Variants in PADI3 observed in about 807,000 individuals in gnomAD.
PADI3 encodes peptidyl arginine deiminase 3.
PADI3 carries 53 observed loss-of-function variants against 71.5 expected under a neutral mutation model. The observed-to-expected ratio is 0.74, with a 90% CI of 0.59 to 0.93. The LOEUF is 0.93. Among genes scored for constraint, PADI3 ranks in the 40% least tolerant of loss-of-function variants. The pLI, the probability that PADI3 is intolerant of heterozygous loss-of-function variation, is 0.00. For synonymous variants in PADI3, 361 were observed against 347.5 expected (o/e 1.04, Z -0.43); for missense variants, 821 against 868.0 (o/e 0.95, Z 0.68).
At chr1:17,280,926 G>A in intron 15 of PADI3, 130 bp downstream of exon 15, 1 of 1,148,036 alleles carries the variant, frequency 8.7e-7, no homozygotes, top group Non-Finnish European at 1.2e-6. Flanking sequence ...GAGAATCAGG[G>A]GTCCTATGGT....
At position 17,259,573 on chromosome 1, in the gene PADI3, C is replaced by T. The variant is rs772210276; in HGVS notation, c.93-5C>T. The T allele has an allele frequency of 1.3e-6, 2 of 1,596,606 alleles. No homozygotes were observed. Among genetic ancestry groups the T allele is most frequent in the South Asian group, 2.2e-5 (2 of 89,044 alleles). ...GCACCGACCATGGCTCTCTGCCCTG[C>T]CCAGGTCAGTGCCTGAGGGCACAGA... On this transcript the variant is annotated splice_polypyrimidine_tract_variant and splice_region_variant and intron_variant, in intron 1 of 15. Transcript: ENST00000375460.
chr1:17,282,783 G>A, intron 15 of PADI3, 63 bp from the exon 16 acceptor site: 1 of 1,245,410 alleles, frequency 8.0e-7, no homozygotes, highest in Non-Finnish European at 1.1e-6. Context: ...AGGTCCTGCA[G>A]GTAGAGTAGA....
At position 17,270,971 on chromosome 1, in the gene PADI3, G is replaced by C. The variant is rs978614612; in HGVS notation, c.924G>C (p.Val308=). Residue 308 remains valine (V), a synonymous_variant, in exon 8 of 16, where the codon GTG becomes GTC. Coordinates refer to ENST00000375460, the MANE Select transcript of PADI3 (RefSeq NM_016233.2). ...MTPSTLPPLE[V]YVCRVRNNTC... The stretch of plus-strand genomic sequence containing the variant: ...CCAGCACTCTGCCACCCCTAGAGGT[G>C]TATGTGTGCCGGTGAGTCTTGGGGC... 2 of 1,614,062 alleles carry C rather than the reference G, an allele frequency of 1.2e-6. No individual in the cohort carries two copies. The highest frequency in any genetic ancestry group is 4.5e-5 in the East Asian group (2 of 44,874).
intron 5 of PADI3, 102 bp downstream of exon 5, chr1:17,266,938 G>T: frequency 1.1e-6 from 1 of 883,540 alleles, no homozygotes. Flanking sequence ...CAGAGTCCAG[G>T]GGAGAGCGCC....
rs1019314235 is a variant in PADI3 at position 17,283,142 on chromosome 1, A to T, written c.*63A>T. 1.8e-5 allele frequency: 23 copies of T among 1,290,298 alleles called. No homozygotes were observed. Among genetic ancestry groups the T allele is most frequent in the Non-Finnish European group, 2.6e-5 (23 of 896,474 alleles). 79.9% of individuals were successfully genotyped at this position (1,290,298 alleles called of 1,614,324 possible). On this transcript the variant is annotated 3_prime_UTR_variant, in exon 16 of 16. Coordinates refer to ENST00000375460, the MANE Select transcript of PADI3 (RefSeq NM_016233.2). Reference sequence around the variant, plus strand: ...GCATTGGCCCAGGTGGTGGAGACAGAGACAGGCCCCTGAACGATAAGCACC... The same window carrying T: ...GCATTGGCCCAGGTGGTGGAGACAGTGACAGGCCCCTGAACGATAAGCACC...
chr1:17,256,807 C>T (rs534369899), intron 1 of PADI3, among the ~76,000 whole-genome samples: 11 of 152,108 alleles, frequency 7.2e-5, no homozygotes, highest in African/African-American at 1.7e-4. Flanking sequence ...CTGAGGCAGG[C>T]GGATCACTTG....
intron 3 of PADI3, among the ~76,000 whole-genome samples, chr1:17,264,609 C>G (rs1269791456): frequency 6.6e-6 from 1 of 152,194 alleles, no homozygotes; most frequent in East Asian, 1.9e-4. Flanking sequence ...TCTGTGGATG[C>G]AGTCATATCA....
intron 8 of PADI3, 26 bp from the exon 9 acceptor site, chr1:17,271,041 C>A: frequency 6.2e-7 from 1 of 1,613,478 alleles, no homozygotes; most frequent in Non-Finnish European, 8.5e-7. Flanking sequence ...CCATCCTGAG[C>A]CCCTCTTCCC....
rs565662088 is a variant in PADI3 at position 17,256,774 on chromosome 1, C to T, written c.93-2804C>T. Among the ~76,000 whole-genome samples the T allele has an allele frequency of 4.6e-5, 7 of 152,266 alleles. No homozygotes were observed. The East Asian group carries it at 9.7e-4, about 21-fold the overall frequency. ...GGCTTCAGCCAGGCGCGGTGGCTCG[C>T]GCCTGTAATCCCAGCTGGGAGGCTG... On this transcript the variant is annotated intron_variant, in intron 1 of 15. Coordinates refer to ENST00000375460, the MANE Select transcript of PADI3 (RefSeq NM_016233.2).
Position 17,262,184 on chromosome 1 carries a change from G to A in PADI3, c.325G>A (p.Val109Met). ...SHEPLPLAYA[V>M]LYLTCVDISL... ...TGAGCCTCTGCCCCTGGCCTATGCG[G>A]TGCTCTACCTCACCTGTGTTGGTAA... Residue 109 changes from valine to methionine, a missense_variant, in exon 3 of 16, where the codon GTG (valine) becomes ATG (methionine). Transcript: ENST00000375460. 8 of 1,611,764 alleles carry A rather than the reference G, an allele frequency of 5.0e-6. No homozygotes were observed. Among genetic ancestry groups the A allele is most frequent in the South Asian group, 3.3e-5 (3 of 90,586 alleles).
chr1:17,279,138 G>A (rs560637764), intron 13 of PADI3, among the ~76,000 whole-genome samples: 1 of 152,256 alleles, frequency 6.6e-6, no homozygotes, highest in Non-Finnish European at 1.5e-5. Flanking sequence ...TGCCCAGCTG[G>A]GAGGGAGCGT....
chr1:17,254,023 C>T (rs935935523), intron 1 of PADI3, among the ~76,000 whole-genome samples: 3 of 152,182 alleles, frequency 2.0e-5, no homozygotes, highest in African/African-American at 7.2e-5. Context: ...CCTGCCTGTG[C>T]AGAGAGCTGG....
chr1:17,252,001 G>A (rs1486583776), intron 1 of PADI3, among the ~76,000 whole-genome samples: 1 of 152,206 alleles, frequency 6.6e-6, no homozygotes, highest in Non-Finnish European at 1.5e-5. Context: ...GGACAAGCAA[G>A]TCTGTTGGGC....
chr1:17,282,733 G>C (rs1306265035), intron 15 of PADI3, 113 bp from the exon 16 acceptor site: 1 of 757,770 alleles, frequency 1.3e-6, no homozygotes, highest in East Asian at 2.7e-5. Flanking sequence ...CACAGGAAAG[G>C]GTGAGTAGCT....
chr1:17,276,381 T>C, intron 11 of PADI3, 138 bp from the exon 12 acceptor site: 1 of 740,826 alleles, frequency 1.3e-6, no homozygotes, highest in Non-Finnish European at 2.3e-6. Flanking sequence ...ATTTATTACT[T>C]TCCTGTTTAT....
At chr1:17,274,837 G>T in intron 11 of PADI3, 51 bp downstream of exon 11, 2 of 1,579,990 alleles carry the variant, frequency 1.3e-6, no homozygotes, top group Non-Finnish European at 1.7e-6. Context: ...TGAGGGTTGG[G>T]GGTGGTGATG....
Position 17,267,931 on chromosome 1 carries a change from T to C in PADI3, c.621T>C (p.Asp207=), listed in dbSNP as rs752359542. 12 of 1,614,180 alleles carry C rather than the reference T, an allele frequency of 7.4e-6. No individual in the cohort carries two copies. The highest frequency in any genetic ancestry group is 2.2e-5 in the East Asian group (1 of 44,878). ...TTGTCCTCCATACCTCCAGCTATGATGCCAAACGGGCACAGGTCTTCCACA... is the reference window on the plus strand; with the variant it reads ...TTGTCCTCCATACCTCCAGCTATGACGCCAAACGGGCACAGGTCTTCCACA... ...HKLVLHTSSY[D]AKRAQVFHIC... The change falls in exon 6 of 16, where the codon GAT becomes GAC. Residue 207 remains aspartate, a synonymous_variant. Coordinates refer to ENST00000375460, the MANE Select transcript of PADI3 (RefSeq NM_016233.2).
intron 1 of PADI3, among the ~76,000 whole-genome samples, chr1:17,253,750 T>A (rs1031485273): frequency 6.6e-6 from 1 of 152,188 alleles, no homozygotes; most frequent in Non-Finnish European, 1.5e-5. Context: ...AAACAACTCA[T>A]GTCACCCCTT....
chr1:17,275,694 T>C (rs1327873481), intron 11 of PADI3, among the ~76,000 whole-genome samples: 1 of 152,158 alleles, frequency 6.6e-6, no homozygotes, highest in African/African-American at 2.4e-5. Flanking sequence ...ATCATATTGG[T>C]TACTTGCTGT....
Sources: gnomAD v4.1 joint callset for allele counts (sites outside exome capture counted in the v4.1 genomes callset) on GRCh38, gnomAD v4.1.1 for gene constraint, MANE v1.5 for transcripts, NCBI Gene and HGNC (gene_info 2026-07-23, HGNC 2026-07-21) for gene names.